Variants in TRPM3 observed in about 807,000 individuals in gnomAD.
The protein encoded by TRPM3 is transient receptor potential cation channel subfamily M member 3, also known as long transient receptor potential channel 3.
A neutral mutation model predicts 181.2 loss-of-function variants in TRPM3; 77 were observed. That is an observed-to-expected ratio of 0.42 (90% CI 0.35 to 0.51). TRPM3 has a LOEUF of 0.51. Among genes scored for constraint, TRPM3 ranks in the 20% least tolerant of loss-of-function variants. The probability of loss-of-function intolerance (pLI) is 0.01; values close to 1 mark genes in which losing one functional copy is unlikely to be tolerated. For missense variants in TRPM3, 1,759 were observed against 2,196.7 expected, an observed-to-expected ratio of 0.80 and a Z score of 3.98; for synonymous variants, 745 against 796.4, an observed-to-expected ratio of 0.94 and a Z score of 1.09.
intron 22 of TRPM3, 107 bp from the exon 23 acceptor site, chr9:70,553,417 C>T: frequency 7.4e-7 from 1 of 1,354,868 alleles, no homozygotes; most frequent in Non-Finnish European, 9.9e-7. Context: ...AATATATAGC[C>T]ATCTCAAACA....
chr9:70,863,874 T>G (rs1191412037), intron 2 of TRPM3, among the ~76,000 whole-genome samples: 1 of 152,102 alleles, frequency 6.6e-6, no homozygotes, highest in Non-Finnish European at 1.5e-5. Flanking sequence ...TAAGACTCTG[T>G]AGTCTATATT....
intron 1 of TRPM3, among the ~76,000 whole-genome samples, chr9:71,131,107 C>A (rs569440230): frequency 2.0e-5 from 3 of 152,282 alleles, no homozygotes; most frequent in South Asian, 4.1e-4. Context: ...CAAATTTGAT[C>A]CTGCCTCTCT....
chr9:71,193,089 T>C (rs189124640), intron 1 of TRPM3, among the ~76,000 whole-genome samples: 241 of 152,038 alleles, frequency 1.6e-3, no homozygotes, highest in African/African-American at 5.4e-3. Context: ...TTTATGACAC[T>C]GGAAGCATCT....
In TRPM3 at chr9:71,004,808, A is replaced by G. The variant is rs536806701; in HGVS notation, c.177+116370T>C. ...AACAATAATAATAAAAAGAAATTCT[A>G]GAAATAAAGGATACAATAAATGAAC... On this transcript the variant is annotated intron_variant, in intron 1 of 25. Coordinates refer to ENST00000677713, the MANE Select transcript of TRPM3 (RefSeq NM_001366145.2). 6.6e-4 allele frequency among the ~76,000 whole-genome samples: 101 copies of G among 152,320 alleles called. No individual in the cohort carries two copies. The Middle Eastern group carries it at 0.031, about 46-fold the overall frequency.
At chr9:70,924,745 T>G (rs538220339) in intron 1 of TRPM3, among the ~76,000 whole-genome samples, 1 of 152,198 alleles carries the variant, frequency 6.6e-6, no homozygotes, top group Non-Finnish European at 1.5e-5. Flanking sequence ...GTAAGCCTTA[T>G]AGTCCTGATA....
chr9:70,965,824 G>A (rs1822227533), intron 1 of TRPM3, among the ~76,000 whole-genome samples: 1 of 151,986 alleles, frequency 6.6e-6, no homozygotes, highest in Non-Finnish European at 1.5e-5. Context: ...TTGCGGACAA[G>A]TCTGTCCTCC....
At chr9:70,808,862 G>T (rs938550324) in intron 6 of TRPM3, among the ~76,000 whole-genome samples, 16 of 152,154 alleles carry the variant, frequency 1.1e-4, no homozygotes, top group African/African-American at 3.9e-4. Flanking sequence ...TGAACAGATT[G>T]TAGCACCCAC....
At chr9:71,207,860 C>A (rs111406111) in intron 1 of TRPM3, among the ~76,000 whole-genome samples, 1,643 of 152,112 alleles carry the variant, frequency 0.011, 26 homozygotes, top group East Asian at 0.075. Context: ...TATCCTTGGC[C>A]CCATACAGCT....
intron 3 of TRPM3, among the ~76,000 whole-genome samples, chr9:70,851,213 A>G (rs1379455571): frequency 6.6e-6 from 1 of 152,214 alleles, no homozygotes; most frequent in Non-Finnish European, 1.5e-5. Flanking sequence ...CCAGAATACA[A>G]GAACCTTGTA....
At chr9:70,749,072 C>T (rs968777341) in intron 8 of TRPM3, among the ~76,000 whole-genome samples, 8 of 151,884 alleles carry the variant, frequency 5.3e-5, no homozygotes, top group Non-Finnish European at 1.2e-4. Flanking sequence ...TGCTATGTTG[C>T]CTAGGCTGGT....
intron 1 of TRPM3, among the ~76,000 whole-genome samples, chr9:71,148,489 T>G (rs2075556450): frequency 1.3e-5 from 2 of 152,176 alleles, no homozygotes; most frequent in South Asian, 4.1e-4. Flanking sequence ...GATGCTTATG[T>G]GTTTTTAATC....
chr9:71,125,200 A>T (rs986146897), upstream of TRPM3, among the ~76,000 whole-genome samples: 5 of 152,002 alleles, frequency 3.3e-5, no homozygotes, highest in African/African-American at 1.2e-4. Flanking sequence ...TTTCTTTTTT[A>T]AATATTTTAT....
chr9:70,752,018 G>A lies in TRPM3; in HGVS notation c.1272+9583C>T, dbSNP rs1014637777. Among the ~76,000 whole-genome samples, 91 of 117,042 alleles carry A rather than the reference G, an allele frequency of 7.8e-4. 1 individual carries two copies. Among genetic ancestry groups the A allele is most frequent in the African/African-American group, 2.7e-3 (88 of 32,030 alleles). The allele number at this position is 117,042 out of a possible 152,430, so 76.8% of individuals were successfully genotyped here. A position where few individuals can be genotyped will look rare whatever the true frequency, so the allele number is the denominator to read the frequency against. On this transcript the variant is annotated intron_variant, in intron 8 of 25. Transcript: ENST00000677713. ...CTCAACAGTGTGTGTGTGTGTGTGT[G>A]TGTGTGTGTGTGTGTGTGTGTGTGT...
At chr9:70,837,548 T>C (rs1042724267) in intron 5 of TRPM3, among the ~76,000 whole-genome samples, 16 of 152,356 alleles carry the variant, frequency 1.1e-4, no homozygotes, top group Middle Eastern at 3.4e-3. Flanking sequence ...GTTATGTGTC[T>C]TGTTAATCTA....
intron 22 of TRPM3, among the ~76,000 whole-genome samples, chr9:70,561,034 A>T (rs1299802417): frequency 6.6e-6 from 1 of 152,212 alleles, no homozygotes; most frequent in Non-Finnish European, 1.5e-5. Flanking sequence ...TATGGCAAAA[A>T]AGGATATTTC....
chr9:70,823,528 A>T (rs947856803), intron 6 of TRPM3, among the ~76,000 whole-genome samples: 1 of 152,226 alleles, frequency 6.6e-6, no homozygotes, highest in African/African-American at 2.4e-5. Context: ...CATAGAGGTC[A>T]TTCCTGATCA....
intron 1 of TRPM3, among the ~76,000 whole-genome samples, chr9:71,415,569 G>A (rs1339198611): frequency 6.6e-6 from 1 of 151,978 alleles, no homozygotes; most frequent in Non-Finnish European, 1.5e-5. Context: ...CACCTAGTAA[G>A]TTTTAGAAGT....
intron 1 of TRPM3, among the ~76,000 whole-genome samples, chr9:71,263,726 A>G (rs2083210442): frequency 6.8e-6 from 1 of 147,464 alleles, no homozygotes; most frequent in Non-Finnish European, 1.5e-5. Flanking sequence ...CTTGGAATCA[A>G]CTGAGGGAAT....
chr9:70,926,392 C>T (rs1166803197), intron 1 of TRPM3, among the ~76,000 whole-genome samples: 1 of 152,082 alleles, frequency 6.6e-6, no homozygotes, highest in African/African-American at 2.4e-5. Context: ...TGCAGAGATA[C>T]TAATGCATGA....
Sources: allele counts gnomAD v4.1 joint callset (sites outside exome capture counted in the v4.1 genomes callset), GRCh38; gene constraint gnomAD v4.1.1; transcripts MANE v1.5; gene names NCBI Gene and HGNC (gene_info 2026-07-23, HGNC 2026-07-21).